HSD17B2: variants seen among roughly 807,000 people sequenced by gnomAD.
The protein encoded by HSD17B2 is hydroxysteroid 17-beta dehydrogenase 2.
A neutral mutation model predicts 26.9 loss-of-function variants in HSD17B2; 32 were observed. The ratio of observed to expected loss-of-function variants is 1.19; its 90% confidence interval spans 0.90 to 1.60. HSD17B2 has a LOEUF of 1.60. Among genes scored for constraint, HSD17B2 ranks in the 40% most tolerant of loss-of-function variants. The pLI, the probability that HSD17B2 is intolerant of heterozygous loss-of-function variation, is 0.00. For synonymous variants in HSD17B2, 246 were observed against 186.7 expected (o/e 1.32, Z -2.59); for missense variants, 613 against 468.6 (o/e 1.31, Z -2.85).
At position 82,047,688 on chromosome 16, in the gene HSD17B2, T is replaced by C. The variant is rs370562096; in HGVS notation, c.265+11999T>C. ...GAAGGAAGCCCTGTAGGACTTGCTG[T>C]CTTATTGGACCTAGGCAGAGAAGAA... On this transcript the variant is annotated intron_variant, in intron 1 of 4. Coordinates refer to ENST00000199936, the MANE Select transcript of HSD17B2 (RefSeq NM_002153.3). 6.6e-5 allele frequency among the ~76,000 whole-genome samples: 10 copies of C among 152,180 alleles called. No individual in the cohort carries two copies. In the East Asian group the frequency reaches 1.5e-3, roughly 23 times the overall value.
rs149254133 is a variant in HSD17B2, at chr16:82,035,487, G to A, written c.63G>A (p.Gly21=). The part of the protein sequence containing the change: ...ICLAVPTVLC[G]TVFCKYKKSS... The stretch of plus-strand genomic sequence containing the variant: ...TGGCTGTCCCCACAGTACTATGTGG[G>A]ACAGTATTTTGCAAATACAAGAAGA... The change falls in exon 1 of 5, where the codon GGG becomes GGA. Residue 21 remains glycine (G), a synonymous_variant. Transcript: ENST00000199936. The A allele has an allele frequency of 6.2e-7, 1 of 1,614,036 alleles. No homozygotes were observed. The highest frequency in any genetic ancestry group is 8.5e-7 in the Non-Finnish European group (1 of 1,180,002).
intron 1 of HSD17B2, among the ~76,000 whole-genome samples, chr16:82,058,092 G>T (rs549967084): frequency 1.4e-5 from 2 of 145,646 alleles, no homozygotes; most frequent in African/African-American, 5.1e-5. Flanking sequence ...TTTTTTTTGA[G>T]ATAGGGTTTT....
At chr16:82,071,802 T>C (rs8191173) in intron 3 of HSD17B2, 1,930 of 158,500 alleles carry the variant, frequency 0.012, 36 homozygotes, top group Non-Finnish European at 0.016. Flanking sequence ...TTGTTCAGTT[T>C]AGGGAAGATC....
At position 82,079,338 on chromosome 16, in the gene HSD17B2, G is replaced by A. The variant is rs190910767; in HGVS notation, c.664+8211G>A. On this transcript the variant is annotated intron_variant, in intron 3 of 4. Coordinates refer to ENST00000199936, the MANE Select transcript of HSD17B2 (RefSeq NM_002153.3). ...GCTGGAAGTCGAAGACCAAGGTGTCGGCAGGGTTGGTTTCTCCTGAGCTCT... is the reference window on the plus strand; with the variant it reads ...GCTGGAAGTCGAAGACCAAGGTGTCAGCAGGGTTGGTTTCTCCTGAGCTCT... Among the ~76,000 whole-genome samples, 52 of 152,218 alleles carry A rather than the reference G, an allele frequency of 3.4e-4. 1 individual carries two copies. The highest frequency in any genetic ancestry group is 3.4e-3 in the Middle Eastern group (1 of 294).
rs562322469 is a variant in HSD17B2 at position 82,052,483 on chromosome 16, T to C, written c.266-15687T>C. On this transcript the variant is annotated intron_variant, in intron 1 of 4. Coordinates refer to ENST00000199936, the MANE Select transcript of HSD17B2 (RefSeq NM_002153.3). The stretch of plus-strand genomic sequence containing the variant: ...CCTGTGAATGGAATTGTCAGTGAGT[T>C]CTAGTTTGCTCATAGCATGAGTCTC... The C allele has an allele frequency of 7.9e-5, 12 of 152,334 alleles. No homozygotes were observed. The South Asian group carries it at 2.3e-3, about 29-fold the overall frequency. The allele number at this position is 152,334 out of a possible 1,614,324, so 9.4% of individuals were successfully genotyped here.
chr16:82,082,671 C>T (rs541737611), intron 3 of HSD17B2, among the ~76,000 whole-genome samples: 1 of 152,222 alleles, frequency 6.6e-6, no homozygotes, highest in East Asian at 1.9e-4. Context: ...CTAGAATCTA[C>T]CTCCTATGAC....
intron 1 of HSD17B2, among the ~76,000 whole-genome samples, chr16:82,043,356 A>C (rs1000800476): frequency 2.0e-5 from 3 of 152,204 alleles, no homozygotes; most frequent in Non-Finnish European, 4.4e-5. Flanking sequence ...TGAGCAGCCA[A>C]GAACAGATCA....
chr16:82,087,397 C>T (rs923819725), intron 3 of HSD17B2, among the ~76,000 whole-genome samples: 1 of 152,156 alleles, frequency 6.6e-6, no homozygotes, highest in Non-Finnish European at 1.5e-5. Context: ...CACAGCGGCT[C>T]TTAATCAGCA....
At chr16:82,052,936 A>T (rs1398426194) in intron 1 of HSD17B2, among the ~76,000 whole-genome samples, 1 of 152,242 alleles carries the variant, frequency 6.6e-6, no homozygotes, top group African/African-American at 2.4e-5. Context: ...GGAGGGCATC[A>T]TATAGCAAGA....
At chr16:82,086,756 C>A (rs1181734975) in intron 3 of HSD17B2, among the ~76,000 whole-genome samples, 1 of 152,190 alleles carries the variant, frequency 6.6e-6, no homozygotes, top group East Asian at 1.9e-4. Context: ...CAGACTGTCA[C>A]AATAAAATAT....
chr16:82,036,526 T>G (rs906181940), intron 1 of HSD17B2, among the ~76,000 whole-genome samples: 2 of 151,914 alleles, frequency 1.3e-5, no homozygotes, highest in African/African-American at 4.8e-5. Flanking sequence ...GTGGAATCAT[T>G]TGGGGGAGAT....
At chr16:82,067,963 T>C (rs1022991106) in intron 1 of HSD17B2, among the ~76,000 whole-genome samples, 4 of 152,222 alleles carry the variant, frequency 2.6e-5, no homozygotes, top group Admixed American at 2.6e-4. Flanking sequence ...TTCTATATTA[T>C]GCCCCTTTCT....
chr16:82,071,742 A>G (rs1463036059), intron 3 of HSD17B2: 1 of 161,882 alleles, frequency 6.2e-6, no homozygotes. Flanking sequence ...GTGTCATAGC[A>G]TGCCCTCTTT....
intron 3 of HSD17B2, among the ~76,000 whole-genome samples, chr16:82,072,604 A>G (rs1243158689): frequency 2.6e-5 from 4 of 151,812 alleles, no homozygotes; most frequent in Non-Finnish European, 5.9e-5. Context: ...CAACACCTTC[A>G]CTCATATGAG....
intron 3 of HSD17B2, among the ~76,000 whole-genome samples, chr16:82,082,812 G>A (rs1904419361): frequency 6.6e-6 from 1 of 152,156 alleles, no homozygotes; most frequent in Non-Finnish European, 1.5e-5. Flanking sequence ...TTTGTTGAAT[G>A]CTCTCAGGTA....
At chr16:82,098,048 T>G (rs761192558) in intron 4 of HSD17B2, 27 bp from the exon 5 acceptor site, 1 of 1,587,532 alleles carries the variant, frequency 6.3e-7, no homozygotes, top group South Asian at 1.2e-5. Context: ...TCCCAGGATC[T>G]GACTCTTCCC....
chr16:82,069,856 G>T (rs1395277991), intron 2 of HSD17B2, among the ~76,000 whole-genome samples: 1 of 152,128 alleles, frequency 6.6e-6, no homozygotes, highest in Admixed American at 6.5e-5. Flanking sequence ...GAAACCACGT[G>T]CAGGACCCTT....
At chr16:82,066,667 A>C (rs1914579716) in intron 1 of HSD17B2, among the ~76,000 whole-genome samples, 1 of 152,102 alleles carries the variant, frequency 6.6e-6, no homozygotes, top group African/African-American at 2.4e-5. Flanking sequence ...TTATTTTTTT[A>C]CATTTCCACA....
At chr16:82,042,947 T>G (rs954688745) in intron 1 of HSD17B2, among the ~76,000 whole-genome samples, 36 of 152,326 alleles carry the variant, frequency 2.4e-4, no homozygotes, top group African/African-American at 8.2e-4. Context: ...AACAATCCCA[T>G]AGATCAAACA....
Sources: gnomAD v4.1 joint callset for allele counts (sites outside exome capture counted in the v4.1 genomes callset) on GRCh38, gnomAD v4.1.1 for gene constraint, MANE v1.5 for transcripts, NCBI Gene and HGNC (gene_info 2026-07-23, HGNC 2026-07-21) for gene names.